Variants in CACNA1D observed in about 807,000 individuals in gnomAD.
CACNA1D encodes the protein calcium voltage-gated channel subunit alpha1 D, also known as voltage-dependent L-type calcium channel subunit alpha-1D.
In CACNA1D, 55 loss-of-function variants were observed where a neutral mutation model predicts 257.1. The ratio of observed to expected loss-of-function variants is 0.21; its 90% CI spans 0.17 to 0.27. CACNA1D has a LOEUF of 0.27. Among genes scored for constraint, CACNA1D ranks in the 10% least tolerant of loss-of-function variants. The pLI, the probability that CACNA1D is intolerant of heterozygous loss-of-function variation, is 1.00. For synonymous variants in CACNA1D, 980 were observed against 1,014.9 expected (o/e 0.97, Z 0.65); for missense variants, 1,876 against 2,784.0 (o/e 0.67, Z 7.34).
At chr3:53,651,116 C>A (rs559388774) in intron 4 of CACNA1D, among the ~76,000 whole-genome samples, 198 bp downstream of exon 4, 1 of 152,222 alleles carries the variant, frequency 6.6e-6, no homozygotes, top group African/African-American at 2.4e-5. Context: ...GTTTGAAATT[C>A]TCTCGTTGTT....
Position 53,719,791 on chromosome 3 carries a change from T to C in CACNA1D, c.1505+10T>C. On this transcript the variant is annotated intron_variant, in intron 11 of 47. Coordinates refer to ENST00000350061, the MANE Select transcript of CACNA1D (RefSeq NM_001128840.3). ...CAAAATCCAAACTCAGGTCAGTATC[T>C]TCTTTCTGTTTCTTCGTCAGCCTGT... 6.2e-7 allele frequency: 1 copy of C among 1,611,544 alleles called. No homozygotes were observed. Among genetic ancestry groups the C allele is most frequent in the Non-Finnish European group, 8.5e-7 (1 of 1,177,582 alleles).
intron 3 of CACNA1D, among the ~76,000 whole-genome samples, chr3:53,527,502 T>G (rs2091808790): frequency 6.6e-6 from 1 of 152,276 alleles, no homozygotes. Flanking sequence ...AAGTCAAGTT[T>G]ACAACATTTC....
At chr3:53,593,666 A>T (rs1006920751) in intron 3 of CACNA1D, among the ~76,000 whole-genome samples, 2 of 152,162 alleles carry the variant, frequency 1.3e-5, no homozygotes, top group African/African-American at 4.8e-5. Flanking sequence ...AGGTGAAAGG[A>T]AAGGGCAGTG....
chr3:53,669,725 G>C (rs921937977), intron 7 of CACNA1D, among the ~76,000 whole-genome samples: 3 of 152,180 alleles, frequency 2.0e-5, no homozygotes, highest in Non-Finnish European at 4.4e-5. Context: ...ATTAAGTTCT[G>C]GTGGAAAGAA....
At chr3:53,799,183 C>T (rs554432740) in intron 40 of CACNA1D, among the ~76,000 whole-genome samples, 2 of 152,330 alleles carry the variant, frequency 1.3e-5, no homozygotes, top group South Asian at 2.1e-4. Flanking sequence ...AGAGGACATG[C>T]CTTCTTCAGA....
chr3:53,774,434 C>A lies in CACNA1D; in HGVS notation c.4111-153C>A. On this transcript the variant is annotated intron_variant, in intron 33 of 47. Transcript: ENST00000350061. This position sits in a 1 kb window ranked among gnomAD's most constrained non-coding sequence, Gnocchi z 4.3. ...ACCTGCTGCCTGGCACATGGTTGTG[C>A]CTGGCAGATCTTTTTTGAATGAGTG... 1 of 657,620 alleles carries A rather than the reference C, an allele frequency of 1.5e-6. No homozygotes were observed. The highest frequency in any genetic ancestry group is 2.8e-6 in the Non-Finnish European group (1 of 361,982). The allele number at this position is 657,620 out of a possible 1,614,324, so 40.7% of individuals were successfully genotyped here.
chr3:53,529,130 A>G (rs2091863506), intron 3 of CACNA1D, among the ~76,000 whole-genome samples: 1 of 152,178 alleles, frequency 6.6e-6, no homozygotes, highest in African/African-American at 2.4e-5. Context: ...CACTGAGTAC[A>G]GTGTTAGTTG....
At chr3:53,795,784 C>T (rs1459378494) in intron 40 of CACNA1D, among the ~76,000 whole-genome samples, 1 of 152,204 alleles carries the variant, frequency 6.6e-6, no homozygotes, top group African/African-American at 2.4e-5. Context: ...GGAGAGCTCT[C>T]AGATTGTGTG....
chr3:53,566,266 C>A (rs982819665), intron 3 of CACNA1D, among the ~76,000 whole-genome samples: 4 of 152,104 alleles, frequency 2.6e-5, no homozygotes, highest in Non-Finnish European at 5.9e-5. Context: ...TTACTGACAT[C>A]CCCCTTCTCT....
chr3:53,695,455 G>A (rs1378772242), intron 8 of CACNA1D, among the ~76,000 whole-genome samples: 6 of 152,016 alleles, frequency 3.9e-5, no homozygotes, highest in Non-Finnish European at 7.4e-5. Context: ...CTCCTGCCCC[G>A]CCCAGCCCGT....
rs373186365 is a variant in CACNA1D, at chr3:53,727,013, C to T, written c.2221+14C>T. ...TTTGTGGTAACTGTATCCTTCAAGC[C>T]GACCAGGCTTTGTTGTTGCCGTCGT... On this transcript the variant is annotated intron_variant, in intron 15 of 47. Coordinates refer to ENST00000350061, the MANE Select transcript of CACNA1D (RefSeq NM_001128840.3). 1.4e-5 allele frequency: 23 copies of T among 1,613,946 alleles called. No individual in the cohort carries two copies. The highest frequency in any genetic ancestry group is 5.0e-5 in the Admixed American group (3 of 59,998).
intron 3 of CACNA1D, among the ~76,000 whole-genome samples, chr3:53,507,114 G>T (rs2090890079): frequency 6.6e-6 from 1 of 151,136 alleles, no homozygotes; most frequent in Admixed American, 6.6e-5. Flanking sequence ...TGGTAGAAGG[G>T]GAGAGAGCCT....
At chr3:53,804,819 T>C (rs1467914757) in intron 44 of CACNA1D, among the ~76,000 whole-genome samples, 164 bp from the exon 45 acceptor site, 1 of 152,116 alleles carries the variant, frequency 6.6e-6, no homozygotes, top group Non-Finnish European at 1.5e-5. Context: ...TGGCCCTTGG[T>C]CTCCATCTGG....
chr3:53,708,912 G>C (rs922055239), intron 9 of CACNA1D, among the ~76,000 whole-genome samples: 1 of 152,116 alleles, frequency 6.6e-6, no homozygotes, highest in Non-Finnish European at 1.5e-5. Context: ...ATTTTTCACT[G>C]AACCATGTAC....
intron 3 of CACNA1D, among the ~76,000 whole-genome samples, chr3:53,643,600 G>A (rs867484170): frequency 6.6e-6 from 1 of 152,182 alleles, no homozygotes. Flanking sequence ...TGTGAAGCCT[G>A]TCCTTGGAGA....
At chr3:53,541,502 C>T (rs1019055504) in intron 3 of CACNA1D, among the ~76,000 whole-genome samples, 2 of 152,116 alleles carry the variant, frequency 1.3e-5, no homozygotes, top group South Asian at 2.1e-4. Flanking sequence ...GAAATGGGCG[C>T]GGAGAAGCCT....
intron 3 of CACNA1D, among the ~76,000 whole-genome samples, chr3:53,584,424 T>C (rs1488450731): frequency 1.3e-5 from 2 of 152,182 alleles, no homozygotes; most frequent in African/African-American, 4.8e-5. Context: ...TGCTCGTGTT[T>C]TATTTATTTT....
At chr3:53,577,171 G>A (rs2093052173) in intron 3 of CACNA1D, among the ~76,000 whole-genome samples, 1 of 152,082 alleles carries the variant, frequency 6.6e-6, no homozygotes, top group African/African-American at 2.4e-5. Flanking sequence ...CATCTCCCTG[G>A]GCTTGGCTTC....
chr3:53,617,395 C>A (rs1288094004), intron 3 of CACNA1D, among the ~76,000 whole-genome samples: 1 of 152,120 alleles, frequency 6.6e-6, no homozygotes, highest in African/African-American at 2.4e-5. Flanking sequence ...TTCCATGTAA[C>A]CTCTGTTAAA....
Sources: gnomAD v4.1 joint callset for allele counts (sites outside exome capture counted in the v4.1 genomes callset) on GRCh38, gnomAD v4.1.1 for gene constraint, Gnocchi (gnomAD v3.1) non-coding constraint, MANE v1.5 for transcripts, NCBI Gene and HGNC (gene_info 2026-07-23, HGNC 2026-07-21) for gene names.